SUSD1: variants seen among roughly 807,000 people sequenced by gnomAD.
SUSD1 encodes sushi domain containing 1, also known as sushi domain-containing protein 1.
SUSD1 carries 65 observed loss-of-function variants against 86.9 expected under a neutral mutation model. That is an observed-to-expected ratio of 0.75 (90% CI 0.61 to 0.92). SUSD1 has a LOEUF of 0.92. SUSD1 is among the 40% of genes least tolerant of loss of function. The probability of loss-of-function intolerance (pLI) is 0.00; values close to 1 mark genes in which losing one functional copy is unlikely to be tolerated. For synonymous variants in SUSD1, 346 were observed against 350.0 expected (o/e 0.99, Z 0.13); for missense variants, 850 against 929.7 (o/e 0.91, Z 1.11).
At chr9:112,112,733 G>T in intron 7 of SUSD1, 38 bp downstream of exon 7, 1 of 1,404,602 alleles carries the variant, frequency 7.1e-7, no homozygotes, top group Non-Finnish European at 1.0e-6. Context: ...TGGGTGACGT[G>T]TCTGTCCTAG....
At chr9:112,087,824 A>G (rs1830047076) in intron 10 of SUSD1, among the ~76,000 whole-genome samples, 1 of 152,230 alleles carries the variant, frequency 6.6e-6, no homozygotes, top group African/African-American at 2.4e-5. Context: ...ACAATTCAAG[A>G]TAACTTTACA....
chr9:112,143,642 T>C lies in SUSD1; in HGVS notation c.374-19A>G, dbSNP rs775574662. The C allele has an allele frequency of 5.7e-6, 9 of 1,568,938 alleles. No homozygotes were observed. In the African/African-American group the frequency reaches 7.0e-5, roughly 12 times the overall value. On this transcript the variant is annotated intron_variant, in intron 3 of 16. Coordinates refer to ENST00000374270, the MANE Select transcript of SUSD1 (RefSeq NM_022486.5). ...TCTATGTCTTGGGACCCAATCCAAA[T>C]AGAGAAAAGGAGATAAAAACAGAAA...
chr9:112,144,111 A>G (rs1310170307), intron 3 of SUSD1, among the ~76,000 whole-genome samples: 1 of 151,916 alleles, frequency 6.6e-6, no homozygotes, highest in Non-Finnish European at 1.5e-5. Flanking sequence ...ATGGTGGTAC[A>G]TGCCTGTAGT....
Position 112,078,701 on chromosome 9 carries a change from C to T in SUSD1, c.1590G>A (p.Trp530Ter). The T allele has an allele frequency of 6.2e-7, 1 of 1,613,168 alleles. No individual in the cohort carries two copies. The highest frequency in any genetic ancestry group is 1.3e-5 in the African/African-American group (1 of 74,996). ...MYLFHIWGQR[W>*]YQKEFAQEMT... ...TTTCCTGGGCAAATTCCTTCTGATA[C>T]CATCTCTGGCCCCAAATGTGGAACT... is the stretch of plus-strand genomic sequence containing the variant. The change falls in exon 12 of 17, where the codon TGG (tryptophan) becomes TGA (stop). Residue 530 changes from tryptophan to a stop codon, truncating the protein, a stop_gained. Transcript: ENST00000374270. LOFTEE classifies it high-confidence loss of function.
intron 1 of SUSD1, among the ~76,000 whole-genome samples, chr9:112,170,279 T>C (rs975165275): frequency 1.3e-5 from 2 of 152,172 alleles, no homozygotes; most frequent in Non-Finnish European, 2.9e-5. Context: ...GTGAATGTGC[T>C]GCTGTGATTC....
chr9:112,168,928 T>C (rs143540022), intron 1 of SUSD1, among the ~76,000 whole-genome samples: 3 of 152,264 alleles, frequency 2.0e-5, no homozygotes, highest in East Asian at 1.9e-4. Context: ...TCTGTCAAAT[T>C]TGGAAAGACA....
At chr9:112,080,870 C>T (rs1589625177) in intron 10 of SUSD1, among the ~76,000 whole-genome samples, 2 of 152,270 alleles carry the variant, frequency 1.3e-5, no homozygotes, top group East Asian at 1.9e-4. Flanking sequence ...CAGAGAATTG[C>T]TCCTTGAGGA....
At chr9:112,145,028 G>T (rs964318453) in intron 3 of SUSD1, among the ~76,000 whole-genome samples, 2 of 152,212 alleles carry the variant, frequency 1.3e-5, no homozygotes, top group Middle Eastern at 3.4e-3. Context: ...ATTGCTTTAA[G>T]TCCGGGAGTT....
At chr9:112,173,804 C>T (rs1001111849) in intron 1 of SUSD1, 5 of 279,200 alleles carry the variant, frequency 1.8e-5, no homozygotes, top group African/African-American at 4.5e-5. Flanking sequence ...CGCCCTGCAT[C>T]TTCTTTAGGC....
At chr9:112,147,621 T>C (rs1467948475) in intron 3 of SUSD1, among the ~76,000 whole-genome samples, 2 of 151,722 alleles carry the variant, frequency 1.3e-5, no homozygotes, top group African/African-American at 2.4e-5. Context: ...GTACAAAAAT[T>C]AGCCAGTCGT....
intron 2 of SUSD1, among the ~76,000 whole-genome samples, chr9:112,156,581 A>G (rs1463607358): frequency 6.6e-6 from 1 of 152,110 alleles, no homozygotes; most frequent in Non-Finnish European, 1.5e-5. Flanking sequence ...TAATTTAAAA[A>G]AAACTTTTTT....
chr9:112,105,687 C>G (rs945107050), intron 8 of SUSD1, among the ~76,000 whole-genome samples: 8 of 152,204 alleles, frequency 5.3e-5, no homozygotes, highest in African/African-American at 1.9e-4. Flanking sequence ...CCACTGCACA[C>G]CAGCCTGGGT....
chr9:112,120,424 G>C (rs1278184327), intron 6 of SUSD1, among the ~76,000 whole-genome samples: 1 of 152,166 alleles, frequency 6.6e-6, no homozygotes, highest in African/African-American at 2.4e-5. Flanking sequence ...ATGGTAATCA[G>C]CAGCTCTCAC....
intron 11 of SUSD1, 128 bp downstream of exon 11, chr9:112,079,946 T>C (rs1829693858): frequency 3.2e-6 from 2 of 626,298 alleles, no homozygotes; most frequent in Non-Finnish European, 5.6e-6. Context: ...TGCTTCTTGA[T>C]GCAATTGTCA....
chr9:112,171,462 T>C (rs965509622), intron 1 of SUSD1, among the ~76,000 whole-genome samples: 21 of 152,220 alleles, frequency 1.4e-4, no homozygotes, highest in African/African-American at 5.1e-4. Flanking sequence ...CTTAGTTTAG[T>C]AAACAATCAC....
intron 1 of SUSD1, among the ~76,000 whole-genome samples, chr9:112,170,708 T>TAG (rs374990062): frequency 0.097 from 9,221 of 95,100 alleles, 284 homozygotes; most frequent in Admixed American, 0.12. Flanking sequence ...TATATATATA[T>TAG]ATAGAGAGAG....
At chr9:112,149,518 A>G in intron 2 of SUSD1, 119 bp from the exon 3 acceptor site, 1 of 1,147,070 alleles carries the variant, frequency 8.7e-7, no homozygotes, top group African/African-American at 1.5e-5. Context: ...CACCTTAGTG[A>G]TCTATTTCTC....
At chr9:112,080,250 G>T in intron 10 of SUSD1, 85 bp from the exon 11 acceptor site, 3 of 919,196 alleles carry the variant, frequency 3.3e-6, no homozygotes, top group Non-Finnish European at 5.3e-6. Flanking sequence ...CCAAGGATAA[G>T]TGTTAGCATG....
intron 8 of SUSD1, chr9:112,103,060 A>C (rs1830693748): frequency 2.6e-6 from 1 of 389,440 alleles, no homozygotes; most frequent in African/African-American, 2.1e-5. Context: ...CCCAACAAAC[A>C]AGACTGCATG....
Sources: gnomAD v4.1 joint callset for allele counts (sites outside exome capture counted in the v4.1 genomes callset) on GRCh38, gnomAD v4.1.1 for gene constraint, MANE v1.5 for transcripts, NCBI Gene and HGNC (gene_info 2026-07-23, HGNC 2026-07-21) for gene names.